PCDHA6: variants seen among roughly 807,000 people sequenced by gnomAD.
The protein encoded by PCDHA6 is protocadherin alpha-6.
Under a neutral mutation model 60.3 loss-of-function variants are expected in PCDHA6, and 55 were observed. The observed-to-expected ratio is 0.91, with a 90% CI of 0.73 to 1.14. The LOEUF is 1.14. Ranked by LOEUF, PCDHA6 falls within the 50% of genes most tolerant of loss-of-function variation. The probability of loss-of-function intolerance (pLI) is 0.00; values close to 1 mark genes in which losing one functional copy is unlikely to be tolerated. For synonymous variants in PCDHA6, 652 were observed against 557.9 expected (o/e 1.17, Z -2.38); for missense variants, 1,327 against 1,256.5 (o/e 1.06, Z -0.85).
chr5:140,938,908 C>A (rs1213664574), intron 1 of PCDHA6, among the ~76,000 whole-genome samples: 1 of 152,074 alleles, frequency 6.6e-6, no homozygotes, highest in Non-Finnish European at 1.5e-5. Flanking sequence ...CACACACACA[C>A]ACGCACAAGA....
chr5:140,831,911 T>C (rs1554133416), intron 1 of PCDHA6, among the ~76,000 whole-genome samples: 1 of 152,164 alleles, frequency 6.6e-6, no homozygotes. Context: ...AGCAAGTGCT[T>C]AAAAAATTTG....
intron 1 of PCDHA6, chr5:140,850,404 C>G: frequency 6.3e-7 from 1 of 1,597,970 alleles, no homozygotes; most frequent in Non-Finnish European, 8.6e-7. Context: ...AACGCGTGCC[C>G]TGGACGAAAC....
chr5:140,935,144 A>C (rs1289868558), intron 1 of PCDHA6, among the ~76,000 whole-genome samples: 1 of 152,184 alleles, frequency 6.6e-6, no homozygotes, highest in Non-Finnish European at 1.5e-5. Flanking sequence ...TGATACTTAG[A>C]GATATAATCT....
chr5:140,917,260 G>A (rs2077984179), intron 1 of PCDHA6, among the ~76,000 whole-genome samples: 2 of 143,736 alleles, frequency 1.4e-5, no homozygotes, highest in South Asian at 4.4e-4. Flanking sequence ...CTCACCTGAT[G>A]TTTGGTTTTT....
At chr5:140,986,981 A>G (rs1180752989) in intron 3 of PCDHA6, among the ~76,000 whole-genome samples, 1 of 152,146 alleles carries the variant, frequency 6.6e-6, no homozygotes, top group Non-Finnish European at 1.5e-5. Flanking sequence ...TGGGAGGCCA[A>G]GGCAGGCAGA....
intron 2 of PCDHA6, chr5:140,982,235 T>C (rs782570505): frequency 2.6e-5 from 17 of 646,792 alleles, no homozygotes; most frequent in Non-Finnish European, 3.9e-5. Flanking sequence ...AAAAACAGAA[T>C]TGCCATAAAG....
intron 1 of PCDHA6, among the ~76,000 whole-genome samples, chr5:140,947,807 G>T (rs542859945): frequency 3.6e-4 from 55 of 151,694 alleles, no homozygotes; most frequent in Non-Finnish European, 7.1e-4. Context: ...AATTTGCAGA[G>T]ACTATTTCTT....
rs782417854 is a variant in PCDHA6 at position 140,967,777 on chromosome 5, G to T, written c.2395-11172G>T. On this transcript the variant is annotated intron_variant, in intron 1 of 3. Transcript: ENST00000529310. The stretch of plus-strand genomic sequence containing the variant: ...CCTCCTACCAGATCTATGTGCAGGC[G>T]ACTGACCGGGGTCCAGTGCCCATGG... 2.5e-6 allele frequency: 4 copies of T among 1,614,186 alleles called. No individual in the cohort carries two copies. The South Asian group carries it at 4.4e-5, about 18-fold the overall frequency.
In PCDHA6 at chr5:140,857,751, C is replaced by T. The variant is rs2044861068; in HGVS notation, c.2394+27266C>T. The T allele has an allele frequency of 3.1e-6, 5 of 1,597,310 alleles. 1 individual carries two copies. Among genetic ancestry groups the T allele is most frequent in the East Asian group, 4.5e-5 (2 of 44,822 alleles). ...AACGCTCCCGCGCTGCTGGCGTCTCCCGCTGGCAGCGCGGGCGGTGCAGTC... is the reference window on the plus strand; with the variant it reads ...AACGCTCCCGCGCTGCTGGCGTCTCTCGCTGGCAGCGCGGGCGGTGCAGTC... On this transcript the variant is annotated intron_variant, in intron 1 of 3. Coordinates refer to ENST00000529310, the MANE Select transcript of PCDHA6 (RefSeq NM_018909.4).
At chr5:140,883,296 TA>T (rs1389927639) in intron 1 of PCDHA6, 1 of 1,613,994 alleles carries the variant, frequency 6.2e-7, no homozygotes, top group African/African-American at 1.3e-5. Flanking sequence ...GTACTAGATG[TA>T]AATGATAACG....
intron 1 of PCDHA6, chr5:140,858,620 C>T (rs570456010): frequency 8.8e-7 from 1 of 1,142,316 alleles, no homozygotes; most frequent in Non-Finnish European, 1.2e-6. Context: ...TTATCCTACC[C>T]AGTGTGTCAG....
intron 1 of PCDHA6, chr5:140,877,223 C>G: frequency 6.2e-7 from 1 of 1,613,714 alleles, no homozygotes; most frequent in Non-Finnish European, 8.5e-7. Flanking sequence ...GTACCGCGGT[C>G]GGTGGGTGCG....
chr5:140,829,453 G>A lies in PCDHA6; in HGVS notation c.1362G>A (p.Ala454=). ...CCGACATGAATGACAATGCTCCGGC[G>A]TTCGCGCAGCCCGAGTACACAGTGT... ...EVADMNDNAP[A]FAQPEYTVFV... is the part of the protein sequence containing the mutation. Residue 454 remains alanine (A), a synonymous_variant, in exon 1 of 4, where the codon GCG becomes GCA. Transcript: ENST00000529310. 1 of 1,613,920 alleles carries A rather than the reference G, an allele frequency of 6.2e-7. No individual in the cohort carries two copies.
intron 2 of PCDHA6, among the ~76,000 whole-genome samples, chr5:140,980,855 C>T (rs1313101029): frequency 2.6e-5 from 4 of 151,960 alleles, no homozygotes; most frequent in South Asian, 2.1e-4. Flanking sequence ...TAATCTTTTT[C>T]GTATGTGTGC....
intron 1 of PCDHA6, among the ~76,000 whole-genome samples, chr5:140,919,693 T>C (rs1383014744): frequency 6.6e-6 from 1 of 152,234 alleles, no homozygotes; most frequent in Admixed American, 6.5e-5. Context: ...TTCAGATTTA[T>C]ATTAACTTAA....
rs1490368496 is a variant in PCDHA6, at chr5:140,848,582, C to T, written c.2394+18097C>T. ...TCGCAATGTGGGTGGTGGGGAGCGG[C>T]CAGCTCCACTACTCCGTCCCGGAGG... is the stretch of plus-strand genomic sequence containing the variant. On this transcript the variant is annotated intron_variant, in intron 1 of 3. Transcript: ENST00000529310. 1.7e-5 allele frequency: 27 copies of T among 1,595,002 alleles called. 2 individuals carry two copies. Among genetic ancestry groups the T allele is most frequent in the African/African-American group, 6.7e-5 (5 of 74,374 alleles).
intron 1 of PCDHA6, among the ~76,000 whole-genome samples, chr5:140,974,994 A>G (rs901871984): frequency 6.6e-6 from 1 of 152,126 alleles, no homozygotes; most frequent in South Asian, 2.1e-4. Context: ...AGGTATTCTC[A>G]AGGCTGAAAT....
intron 3 of PCDHA6, among the ~76,000 whole-genome samples, chr5:141,006,373 G>A (rs550999366): frequency 1.1e-4 from 17 of 151,910 alleles, no homozygotes; most frequent in African/African-American, 3.1e-4. Context: ...CACCACGCCC[G>A]GCTAAGTTTT....
chr5:140,844,637 A>T (rs2150372920), intron 1 of PCDHA6, among the ~76,000 whole-genome samples: 34 of 149,574 alleles, frequency 2.3e-4, no homozygotes, highest in African/African-American at 8.3e-4. Context: ...ACTATACATG[A>T]TAATTTCATT....
Sources: allele counts gnomAD v4.1 joint callset (sites outside exome capture counted in the v4.1 genomes callset), GRCh38; gene constraint gnomAD v4.1.1; transcripts MANE v1.5; gene names NCBI Gene and HGNC (gene_info 2026-07-23, HGNC 2026-07-21).